ARID5A: variants seen among roughly 807,000 people sequenced by gnomAD.
ARID5A encodes AT-rich interactive domain-containing protein 5A.
ARID5A carries 14 observed loss-of-function variants against 30.5 expected under a neutral mutation model. That is an observed-to-expected ratio of 0.46 (90% CI 0.30 to 0.72). The LOEUF (loss-of-function observed/expected upper bound fraction) is 0.72. Among genes scored for constraint, ARID5A ranks in the 30% least tolerant of loss-of-function variants. ARID5A has a pLI of 0.07. For missense variants in ARID5A, 669 were observed against 786.2 expected (o/e 0.85, Z 1.78); for synonymous variants, 338 against 340.4 (o/e 0.99, Z 0.08).
In ARID5A at chr2:96,549,308, G is replaced by A; in HGVS notation, c.121-13G>A. 1 of 1,610,540 alleles carries A rather than the reference G, an allele frequency of 6.2e-7. No individual in the cohort carries two copies. ...ACTGGGGCCCATCCCAATGCCTCCT[G>A]TTCTCTCCCCAGGACTCCCCCGAGG... is the stretch of plus-strand genomic sequence containing the variant. On this transcript the variant is annotated splice_polypyrimidine_tract_variant and intron_variant, in intron 2 of 6. Transcript: ENST00000357485. The surrounding 1 kb of genome is among the most constrained non-coding windows in gnomAD (Gnocchi z 6.1).
chr2:96,550,950 C>A lies in ARID5A; in HGVS notation c.571-149C>A. The A allele has an allele frequency of 8.5e-7, 1 of 1,182,130 alleles. No homozygotes were observed. Among genetic ancestry groups the A allele is most frequent in the Non-Finnish European group, 1.2e-6 (1 of 842,756 alleles). The allele number at this position is 1,182,130 out of a possible 1,614,324, so 73.2% of individuals were successfully genotyped here. A position where few individuals can be genotyped will look rare whatever the true frequency, so the allele number is the denominator to read the frequency against. On this transcript the variant is annotated intron_variant, in intron 6 of 6. Coordinates refer to ENST00000357485, the MANE Select transcript of ARID5A (RefSeq NM_212481.3). The surrounding 1 kb of genome is among the most constrained non-coding windows in gnomAD (Gnocchi z 6.6). ...CCAGGCACCTGAGGCTGTGTCCACT[C>A]AGAGGACAGGGCACCTTTGGAAAAT...
rs909395310 is a variant in ARID5A, at chr2:96,552,621, C to A, written c.*308C>A. ...CCACGGAAAATCCAATAAAAAGACACCAGTGTGAATCCACGTAGCCCTGAG... is the reference window on the plus strand; with the variant it reads ...CCACGGAAAATCCAATAAAAAGACAACAGTGTGAATCCACGTAGCCCTGAG... On this transcript the variant is annotated 3_prime_UTR_variant, in exon 7 of 7. Transcript: ENST00000357485. 8.5e-6 allele frequency: 12 copies of A among 1,416,790 alleles called. No homozygotes were observed. In the African/African-American group the frequency reaches 1.7e-4, roughly 20 times the overall value. The allele number at this position is 1,416,790 out of a possible 1,614,324, so 87.8% of individuals were successfully genotyped here. A position where few individuals can be genotyped will look rare whatever the true frequency, so the allele number is the denominator to read the frequency against.
rs778701715 is a variant in ARID5A, at chr2:96,551,695, G to C, written c.1167G>C (p.Trp389Cys). 4 of 1,521,132 alleles carry C rather than the reference G, an allele frequency of 2.6e-6. No individual in the cohort carries two copies. Among genetic ancestry groups the C allele is most frequent in the South Asian group, 2.6e-5 (2 of 75,520 alleles). The allele number at this position is 1,521,132 out of a possible 1,614,324, so 94.2% of individuals were successfully genotyped here. Residue 389 changes from tryptophan (W) to cysteine (C), a missense_variant, in exon 7 of 7, where the codon TGG becomes TGC. Around this residue, in one of 4 missense-constraint regions of ARID5A, gnomAD observed 548 missense variants for 577.4 expected, o/e 0.95. Coordinates refer to ENST00000357485, the MANE Select transcript of ARID5A (RefSeq NM_212481.3). ...GLSVKEPQLV[W>C]GGDANRPSAF... ...CAGTGAAAGAGCCCCAGCTGGTGTG[G>C]GGCGGAGACGCTAACCGCCCTTCTG...
rs1265191552 is a variant in ARID5A, at chr2:96,549,964, C to T, written c.312+159C>T. Reference sequence around the variant, plus strand: ...CCCGCTGGTACTCTGCTGCTCAAAGCAGCTTTTCAGCCTTCCCCATCTGTT... The same window carrying T: ...CCCGCTGGTACTCTGCTGCTCAAAGTAGCTTTTCAGCCTTCCCCATCTGTT... On this transcript the variant is annotated intron_variant, in intron 4 of 6. Transcript: ENST00000357485. The surrounding 1 kb of genome is among the most constrained non-coding windows in gnomAD (Gnocchi z 6.1). 6.5e-7 allele frequency: 1 copy of T among 1,531,644 alleles called. No homozygotes were observed. Among genetic ancestry groups the T allele is most frequent in the Non-Finnish European group, 8.8e-7 (1 of 1,141,300 alleles). 94.9% of individuals were successfully genotyped at this position (1,531,644 alleles called of 1,614,324 possible).
Position 96,550,772 on chromosome 2 carries a change from C to T in ARID5A, c.570+39C>T, listed in dbSNP as rs1311482271. The T allele has an allele frequency of 1.3e-6, 2 of 1,509,720 alleles. No individual in the cohort carries two copies. Among genetic ancestry groups the T allele is most frequent in the Non-Finnish European group, 1.8e-6 (2 of 1,126,620 alleles). 93.5% of individuals were successfully genotyped at this position (1,509,720 alleles called of 1,614,324 possible). ...TGGCTGGGGCCACCCTGTCCCTTGC[C>T]TCTTGTAGCCCCCTACCCCACAACT... On this transcript the variant is annotated intron_variant, in intron 6 of 6. Coordinates refer to ENST00000357485, the MANE Select transcript of ARID5A (RefSeq NM_212481.3). This position sits in a 1 kb window ranked among gnomAD's most constrained non-coding sequence, Gnocchi z 6.6.
chr2:96,542,837 G>A (rs1356584724), intron 1 of ARID5A, among the ~76,000 whole-genome samples: 1 of 152,218 alleles, frequency 6.6e-6, no homozygotes, highest in East Asian at 1.9e-4. Context: ...GGGAGGGGAT[G>A]TGTGAGCTGA....
chr2:96,549,669 G>A lies in ARID5A; in HGVS notation c.260-84G>A, dbSNP rs974599898. ...CTGGGTGTGTGCTGGTCTGTGCCTG[G>A]CCTGTCAGGGCACCAGGAAGGGGTG... is the stretch of plus-strand genomic sequence containing the variant. On this transcript the variant is annotated intron_variant, in intron 3 of 6. Transcript: ENST00000357485. This position sits in a 1 kb window ranked among gnomAD's most constrained non-coding sequence, Gnocchi z 6.1. 3.1e-5 allele frequency: 50 copies of A among 1,593,502 alleles called. No individual in the cohort carries two copies. The highest frequency in any genetic ancestry group is 4.1e-5 in the Non-Finnish European group (48 of 1,162,310).
chr2:96,552,497 G>A lies in ARID5A; in HGVS notation c.*184G>A, dbSNP rs1177112107. The A allele has an allele frequency of 1.1e-5, 17 of 1,535,572 alleles. No individual in the cohort carries two copies. The highest frequency in any genetic ancestry group is 1.5e-5 in the Non-Finnish European group (17 of 1,146,528). ...AAACTGGGTTTATCTCAAGGCAGCA[G>A]CCTGAGCCCAGGAGCAGAGGACCCA... is the stretch of plus-strand genomic sequence containing the variant. On this transcript the variant is annotated 3_prime_UTR_variant, in exon 7 of 7. Transcript: ENST00000357485.
chr2:96,552,046 C>T lies in ARID5A; in HGVS notation c.1518C>T (p.His506=). ...PPEAYRGTML[H]CPLNFTGTPG... is the part of the protein sequence containing the mutation. ...AGGCCTACAGGGGCACCATGCTGCACTGCCCGCTGAACTTCACTGGCACCC... is the reference window on the plus strand; with the variant it reads ...AGGCCTACAGGGGCACCATGCTGCATTGCCCGCTGAACTTCACTGGCACCC... The change falls in exon 7 of 7, where the codon CAC becomes CAT. Residue 506 remains histidine, a synonymous_variant. Transcript: ENST00000357485. 1 of 1,566,608 alleles carries T rather than the reference C, an allele frequency of 6.4e-7. No homozygotes were observed. Among genetic ancestry groups the T allele is most frequent in the Non-Finnish European group, 8.6e-7 (1 of 1,156,120 alleles).
At chr2:96,544,545 TG>T (rs1258036658) in intron 1 of ARID5A, among the ~76,000 whole-genome samples, 41 of 152,242 alleles carry the variant, frequency 2.7e-4, no homozygotes, top group African/African-American at 9.4e-4. Flanking sequence ...ACAGCACATC[TG>T]TTTATAACAT....
In ARID5A at chr2:96,549,959, C is replaced by A. The variant is rs1320227889; in HGVS notation, c.312+154C>A. 7 of 1,532,646 alleles carry A rather than the reference C, an allele frequency of 4.6e-6. No individual in the cohort carries two copies. The Admixed American group carries it at 6.1e-5, about 13-fold the overall frequency. The allele number at this position is 1,532,646 out of a possible 1,614,324, so 94.9% of individuals were successfully genotyped here. On this transcript the variant is annotated intron_variant, in intron 4 of 6. Coordinates refer to ENST00000357485, the MANE Select transcript of ARID5A (RefSeq NM_212481.3). This position sits in a 1 kb window ranked among gnomAD's most constrained non-coding sequence, Gnocchi z 6.1. ...CCTTCCCCGCTGGTACTCTGCTGCTCAAAGCAGCTTTTCAGCCTTCCCCAT... is the reference window on the plus strand; with the variant it reads ...CCTTCCCCGCTGGTACTCTGCTGCTAAAAGCAGCTTTTCAGCCTTCCCCAT...
chr2:96,551,340 A>T lies in ARID5A; in HGVS notation c.812A>T (p.Glu271Val). Residue 271 changes from glutamate to valine, a missense_variant, in exon 7 of 7, where the codon GAG becomes GTG. Physicochemically the swap from Glu to Val is moderately radical, Grantham distance 121. Transcript: ENST00000357485. ...CTCCTGGCCCAGGTGAGCAAGGTGG[A>T]GGCCTTGCAGTGCCAGGAGGAGGGC... ...KKLLAQVSKV[E>V]ALQCQEEGCR... 1.9e-6 allele frequency: 3 copies of T among 1,613,388 alleles called. No homozygotes were observed. The highest frequency in any genetic ancestry group is 2.5e-6 in the Non-Finnish European group (3 of 1,179,930).
intron 1 of ARID5A, among the ~76,000 whole-genome samples, chr2:96,545,729 G>A (rs1014970863): frequency 2.0e-5 from 3 of 151,892 alleles, no homozygotes; most frequent in Admixed American, 6.6e-5. Flanking sequence ...GCCGAGGTGG[G>A]TGGATCATGA....
intron 1 of ARID5A, among the ~76,000 whole-genome samples, chr2:96,540,850 A>G (rs1380531074): frequency 1.3e-5 from 2 of 152,004 alleles, no homozygotes; most frequent in African/African-American, 2.4e-5. Context: ...GGTTCAAGCA[A>G]TTCTCCTGCC....
chr2:96,549,081 G>A lies in ARID5A; in HGVS notation c.121-240G>A, dbSNP rs1158796809. On this transcript the variant is annotated intron_variant, in intron 2 of 6. Coordinates refer to ENST00000357485, the MANE Select transcript of ARID5A (RefSeq NM_212481.3). The surrounding 1 kb of genome is among the most constrained non-coding windows in gnomAD (Gnocchi z 6.1). ...CAGCCTCTGGAGCCAGCTGCTCTGG[G>A]GTACCCAGCCTCCGGGGAGGTCCTG... Among the ~76,000 whole-genome samples, 2 of 152,190 alleles carry A rather than the reference G, an allele frequency of 1.3e-5. No individual in the cohort carries two copies. Among genetic ancestry groups the A allele is most frequent in the Non-Finnish European group, 2.9e-5 (2 of 68,022 alleles).
At position 96,550,476 on chromosome 2, in the gene ARID5A, C is replaced by A; in HGVS notation, c.411-98C>A. 6.8e-7 allele frequency: 1 copy of A among 1,469,336 alleles called. No homozygotes were observed. The highest frequency in any genetic ancestry group is 9.0e-7 in the Non-Finnish European group (1 of 1,108,890). The allele number at this position is 1,469,336 out of a possible 1,614,324, so 91.0% of individuals were successfully genotyped here. On this transcript the variant is annotated intron_variant, in intron 5 of 6. Transcript: ENST00000357485. The surrounding 1 kb of genome is among the most constrained non-coding windows in gnomAD (Gnocchi z 6.6). ...GCTTTGGGACCAGGAGAGGGCCTTC[C>A]TCGGCGCCGGCGGGGAAGGGGGCTC... is the stretch of plus-strand genomic sequence containing the variant.
chr2:96,552,220 CCA>C lies in ARID5A; in HGVS notation c.1695_1696del (p.His565GlnfsTer58). On this transcript the variant is annotated frameshift_variant, in exon 7 of 7. Transcript: ENST00000357485. LOFTEE classifies it high-confidence loss of function. The part of the protein sequence containing the change: ...PPTSFDSALR[H>X]RLCPASSAWH... Reference sequence around the variant, plus strand: ...CAACGTCCTTCGACAGTGCCCTCCGCCACAGACTTTGCCCGGCCTCATCTGCC... The same window carrying C: ...CAACGTCCTTCGACAGTGCCCTCCGCCAGACTTTGCCCGGCCTCATCTGCC... The C allele has an allele frequency of 1.2e-6, 2 of 1,613,554 alleles. No homozygotes were observed. Among genetic ancestry groups the C allele is most frequent in the Non-Finnish European group, 1.7e-6 (2 of 1,179,974 alleles).
At chr2:96,547,370 T>G (rs762793865) in intron 1 of ARID5A, 32 bp from the exon 2 acceptor site, 1 of 1,589,054 alleles carries the variant, frequency 6.3e-7, no homozygotes, top group Non-Finnish European at 8.6e-7. Context: ...TCCCCACCCC[T>G]TCCTCCTTAC....
At chr2:96,546,150 C>T (rs1323974413) in intron 1 of ARID5A, among the ~76,000 whole-genome samples, 1 of 152,166 alleles carries the variant, frequency 6.6e-6, no homozygotes, top group Non-Finnish European at 1.5e-5. Context: ...CCTCTGAGTA[C>T]CACTGGCCCC....
Sources: allele counts gnomAD v4.1 joint callset (sites outside exome capture counted in the v4.1 genomes callset), GRCh38; gene constraint gnomAD v4.1.1; regional missense constraint gnomAD v4.1.1; non-coding constraint Gnocchi (gnomAD v3.1); transcripts MANE v1.5; gene names NCBI Gene and HGNC (gene_info 2026-07-23, HGNC 2026-07-21).